CALCR: variants seen among roughly 807,000 people sequenced by gnomAD.
CALCR encodes the protein calcitonin receptor.
A neutral mutation model predicts 59.5 loss-of-function variants in CALCR; 47 were observed. That is an observed-to-expected ratio of 0.79 (90% CI 0.63 to 1.01). CALCR has a LOEUF of 1.01. CALCR is among the 50% of genes least tolerant of loss of function. CALCR has a pLI of 0.00. For synonymous variants in CALCR, 213 were observed against 211.3 expected, an observed-to-expected ratio of 1.01 and a Z score of -0.07; for missense variants, 566 against 597.1, an observed-to-expected ratio of 0.95 and a Z score of 0.54.
At chr7:93,495,434 A>C (rs1801177605) in intron 2 of CALCR, among the ~76,000 whole-genome samples, 1 of 151,386 alleles carries the variant, frequency 6.6e-6, no homozygotes, top group Non-Finnish European at 1.5e-5. Flanking sequence ...TAATTTAGGG[A>C]CAGAACCTAA....
chr7:93,561,965 A>G (rs1789761049), intron 2 of CALCR, among the ~76,000 whole-genome samples: 1 of 151,986 alleles, frequency 6.6e-6, no homozygotes, highest in East Asian at 1.9e-4. Flanking sequence ...TACGATCTCT[A>G]TGTCTCTAAG....
At chr7:93,540,733 T>A (rs959430216) in intron 2 of CALCR, among the ~76,000 whole-genome samples, 2 of 59,842 alleles carry the variant, frequency 3.3e-5, no homozygotes, top group African/African-American at 7.6e-5. Flanking sequence ...ATATTTATAT[T>A]ATATAATATT....
At chr7:93,552,434 G>C (rs1242710587) in intron 2 of CALCR, among the ~76,000 whole-genome samples, 1 of 152,088 alleles carries the variant, frequency 6.6e-6, no homozygotes, top group African/African-American at 2.4e-5. Context: ...TTAAAGCTAA[G>C]ATTCAGCTTT....
intron 2 of CALCR, among the ~76,000 whole-genome samples, chr7:93,516,625 C>A: frequency 6.6e-6 from 1 of 151,682 alleles, no homozygotes; most frequent in Non-Finnish European, 1.5e-5. Flanking sequence ...GCCAGTAGAA[C>A]CCTTCAAAGA....
At chr7:93,516,998 T>C (rs530683120) in intron 2 of CALCR, among the ~76,000 whole-genome samples, 2 of 151,906 alleles carry the variant, frequency 1.3e-5, no homozygotes, top group South Asian at 4.1e-4. Context: ...GCGGTGGCTT[T>C]TTGCACATTA....
At chr7:93,433,753 T>A (rs968580431) in intron 13 of CALCR, among the ~76,000 whole-genome samples, 1 of 152,222 alleles carries the variant, frequency 6.6e-6, no homozygotes, top group Non-Finnish European at 1.5e-5. Flanking sequence ...TCTCTAGATT[T>A]TACTGATCTA....
chr7:93,460,058 T>C (rs1800283736), intron 8 of CALCR, among the ~76,000 whole-genome samples: 1 of 152,104 alleles, frequency 6.6e-6, no homozygotes, highest in African/African-American at 2.4e-5. Context: ...AGGGAATAGC[T>C]ACTCATAGGA....
chr7:93,561,405 A>T (rs1789744537), intron 2 of CALCR, among the ~76,000 whole-genome samples: 1 of 152,122 alleles, frequency 6.6e-6, no homozygotes, highest in Admixed American at 6.6e-5. Flanking sequence ...TTTGGGTACC[A>T]CCCTTCATTC....
chr7:93,505,167 A>C (rs1333924726), intron 2 of CALCR, among the ~76,000 whole-genome samples: 1 of 152,174 alleles, frequency 6.6e-6, no homozygotes, highest in African/African-American at 2.4e-5. Context: ...AAGTGGAAAA[A>C]AAAAAGCCTA....
chr7:93,555,649 T>C (rs1789580837), intron 2 of CALCR, among the ~76,000 whole-genome samples: 2 of 150,726 alleles, frequency 1.3e-5, no homozygotes, highest in East Asian at 1.9e-4. Flanking sequence ...ACTTGGCAAA[T>C]AGTTTATTGG....
At chr7:93,514,823 A>C (rs1429438197) in intron 2 of CALCR, among the ~76,000 whole-genome samples, 1 of 152,068 alleles carries the variant, frequency 6.6e-6, no homozygotes, top group Non-Finnish European at 1.5e-5. Flanking sequence ...ATTCAGAGAC[A>C]ATAGCTTGCC....
intron 3 of CALCR, among the ~76,000 whole-genome samples, chr7:93,483,343 A>G (rs1008236598): frequency 1.3e-5 from 2 of 151,474 alleles, no homozygotes; most frequent in Non-Finnish European, 3.0e-5. Context: ...TTTTTCCTGA[A>G]TATTTTCTAT....
intron 2 of CALCR, among the ~76,000 whole-genome samples, chr7:93,536,119 T>C (rs926672645): frequency 1.3e-5 from 2 of 151,834 alleles, no homozygotes; most frequent in African/African-American, 4.8e-5. Context: ...CTGGTGAAGC[T>C]GTCCAGTTCT....
At chr7:93,437,769 G>T (rs978866009) in intron 11 of CALCR, among the ~76,000 whole-genome samples, 2 of 152,060 alleles carry the variant, frequency 1.3e-5, no homozygotes, top group Non-Finnish European at 2.9e-5. Context: ...CAGCCCCTTG[G>T]CCTCTCACCT....
chr7:93,461,653 G>A (rs1035305348), intron 7 of CALCR, among the ~76,000 whole-genome samples: 6 of 152,148 alleles, frequency 3.9e-5, no homozygotes, highest in African/African-American at 1.2e-4. Flanking sequence ...CTGCTTCTTG[G>A]TAGAGTCATT....
At chr7:93,480,833 C>G (rs1451817514) in intron 3 of CALCR, among the ~76,000 whole-genome samples, 2 of 151,650 alleles carry the variant, frequency 1.3e-5, no homozygotes, top group Non-Finnish European at 2.9e-5. Flanking sequence ...GGTCGAGAAG[C>G]CTTTTGGGAT....
intron 8 of CALCR, among the ~76,000 whole-genome samples, chr7:93,446,167 A>G (rs563467543): frequency 6.6e-6 from 1 of 152,164 alleles, no homozygotes; most frequent in South Asian, 2.1e-4. Flanking sequence ...AGAATTGACC[A>G]TATTTGGGTT....
At chr7:93,517,726 T>A (rs746782722) in intron 2 of CALCR, among the ~76,000 whole-genome samples, 1 of 151,944 alleles carries the variant, frequency 6.6e-6, no homozygotes, top group Non-Finnish European at 1.5e-5. Context: ...GTGTGGCTCA[T>A]TGACCTCTTA....
chr7:93,454,606 C>T lies in CALCR; in HGVS notation c.648+6215G>A, dbSNP rs566055799. Reference sequence around the variant, plus strand: ...TTCTACATGAAGCTCATCGAATGAGCAGATAGAACAAAAAAAAAAAATAAC... The same window carrying T: ...TTCTACATGAAGCTCATCGAATGAGTAGATAGAACAAAAAAAAAAAATAAC... On this transcript the variant is annotated intron_variant, in intron 8 of 13. Transcript: ENST00000426151. 8.5e-5 allele frequency among the ~76,000 whole-genome samples: 11 copies of T among 130,148 alleles called. No individual in the cohort carries two copies. The South Asian group carries it at 2.6e-3, about 31-fold the overall frequency. The allele number at this position is 130,148 out of a possible 152,430, so 85.4% of individuals were successfully genotyped here.
Sources: allele counts gnomAD v4.1 joint callset (sites outside exome capture counted in the v4.1 genomes callset), GRCh38; gene constraint gnomAD v4.1.1; transcripts MANE v1.5; gene names NCBI Gene and HGNC (gene_info 2026-07-23, HGNC 2026-07-21).